Variants in APOBEC3C observed in about 807,000 individuals in gnomAD.
APOBEC3C encodes the protein DNA dC->dU-editing enzyme APOBEC-3C.
In APOBEC3C, 14 loss-of-function variants were observed where a neutral mutation model predicts 20.6. That is an observed-to-expected ratio of 0.68 (90% CI 0.45 to 1.06). The LOEUF is 1.06. Among genes scored for constraint, APOBEC3C ranks in the 50% least tolerant of loss-of-function variants. The probability of loss-of-function intolerance (pLI) is 0.00; values close to 1 mark genes in which losing one functional copy is unlikely to be tolerated. For synonymous variants in APOBEC3C, 98 were observed against 88.8 expected (o/e 1.10, Z -0.58); for missense variants, 244 against 241.9 (o/e 1.01, Z -0.06).
intron 2 of APOBEC3C, 151 bp from the exon 3 acceptor site, chr22:39,017,615 C>G: frequency 9.6e-7 from 1 of 1,046,102 alleles, no homozygotes; most frequent in South Asian, 1.5e-5. Flanking sequence ...ACCCCCTAAC[C>G]TGTGCACCAG....
At position 39,014,301 on chromosome 22, in the gene APOBEC3C, A is replaced by C; in HGVS notation, c.-62A>C. On this transcript the variant is annotated 5_prime_UTR_variant, in exon 1 of 4. Transcript: ENST00000361441. ...AACTGCAAGGACGCTGTAAGCAGGA[A>C]GAGAAGCCACAGCGCTTCAGAAAAG... The C allele has an allele frequency of 3.1e-6, 5 of 1,607,814 alleles. No homozygotes were observed. The highest frequency in any genetic ancestry group is 4.3e-6 in the Non-Finnish European group (5 of 1,174,410).
At chr22:39,014,438 G>T in intron 1 of APOBEC3C, 59 bp downstream of exon 1, 1 of 1,611,666 alleles carries the variant, frequency 6.2e-7, no homozygotes, top group South Asian at 1.1e-5. Flanking sequence ...AGGCGGTCCT[G>T]CTGGGCCTCA....
chr22:39,015,446 T>G, intron 1 of APOBEC3C, 149 bp from the exon 2 acceptor site: 1 of 934,974 alleles, frequency 1.1e-6, no homozygotes, highest in Non-Finnish European at 1.6e-6. Flanking sequence ...TCTTCCTGCC[T>G]GGGAAAGCAG....
rs1040942920 is a variant in APOBEC3C at position 39,014,507 on chromosome 22, G to A, written c.17+128G>A. 120 of 939,098 alleles carry A rather than the reference G, an allele frequency of 1.3e-4. No homozygotes were observed. The African/African-American group carries it at 2.7e-3, about 21-fold the overall frequency. 58.2% of individuals were successfully genotyped at this position (939,098 alleles called of 1,614,324 possible). A position where few individuals can be genotyped will look rare whatever the true frequency, so the allele number is the denominator to read the frequency against. ...GGGCTCCCTCCCCCCTGGTTCCCCC[G>A]CTGCCCCCACTCCCAGCCAAGCTCC... On this transcript the variant is annotated intron_variant, in intron 1 of 3. Coordinates refer to ENST00000361441, the MANE Select transcript of APOBEC3C (RefSeq NM_014508.3).
At position 39,017,869 on chromosome 22, in the gene APOBEC3C, C is replaced by A. The variant is rs928893236; in HGVS notation, c.278C>A (p.Ser93Tyr). 1.9e-5 allele frequency: 30 copies of A among 1,614,078 alleles called. No individual in the cohort carries two copies. The African/African-American group carries it at 3.5e-4, about 19-fold the overall frequency. The part of the protein sequence containing the change: ...NTKYQVTWYT[S>Y]WSPCPDCAGE... Reference sequence around the variant, plus strand: ...AAGTACCAGGTCACCTGGTACACATCTTGGAGCCCTTGCCCAGACTGTGCA... The same window carrying A: ...AAGTACCAGGTCACCTGGTACACATATTGGAGCCCTTGCCCAGACTGTGCA... The change falls in exon 3 of 4, where the codon TCT becomes TAT. Residue 93 changes from serine to tyrosine, a missense_variant. Transcript: ENST00000361441.
rs367817380 is a variant in APOBEC3C at position 39,018,020 on chromosome 22, C to T, written c.429C>T (p.Val143=). The T allele has an allele frequency of 1.2e-5, 20 of 1,614,098 alleles. No individual in the cohort carries two copies. The highest frequency in any genetic ancestry group is 3.3e-5 in the Admixed American group (2 of 60,012). ...TCCGCAGCCTGAGTCAGGAAGGGGT[C>T]GCTGTGGAGATCATGGACTATGAAG... ...EGLRSLSQEG[V]AVEIMDYEDF... Residue 143 remains valine (V), a synonymous_variant, in exon 3 of 4, where the codon GTC becomes GTT. Coordinates refer to ENST00000361441, the MANE Select transcript of APOBEC3C (RefSeq NM_014508.3).
In APOBEC3C at chr22:39,015,689, A is replaced by G; in HGVS notation, c.112A>G (p.Thr38Ala). The change falls in exon 2 of 4, where the codon ACC (threonine) becomes GCC (alanine). Residue 38 changes from threonine to alanine, a missense_variant. Physicochemically the swap from Thr to Ala is moderately conservative, Grantham distance 58. Transcript: ENST00000361441. ...NDRNETWLCFTVEGIKRRSVV... is the reference protein window; with the variant it reads ...NDRNETWLCFAVEGIKRRSVV... ...TCGGAACGAAACTTGGCTGTGCTTC[A>G]CCGTGGAAGGTATAAAGCGCCGCTC... The G allele has an allele frequency of 6.2e-7, 1 of 1,614,090 alleles. No homozygotes were observed. The highest frequency in any genetic ancestry group is 8.5e-7 in the Non-Finnish European group (1 of 1,180,022).
intron 2 of APOBEC3C, 123 bp downstream of exon 2, chr22:39,015,874 AT>A (rs57093395): frequency 0.38 from 207,515 of 542,648 alleles, 11,477 homozygotes; most frequent in Admixed American, 0.45. Flanking sequence ...CCACATTTCT[AT>A]TTTTTTTTTT....
chr22:39,015,985 C>G (rs956519070), intron 2 of APOBEC3C, among the ~76,000 whole-genome samples: 1 of 151,358 alleles, frequency 6.6e-6, no homozygotes, highest in Admixed American at 6.6e-5. Flanking sequence ...ACGCGATTCT[C>G]CTGCCTCAGT....
In APOBEC3C at chr22:39,019,444, A is replaced by C. The variant is rs767708490; in HGVS notation, c.*1057A>C. On this transcript the variant is annotated 3_prime_UTR_variant, in exon 4 of 4. Coordinates refer to ENST00000361441, the MANE Select transcript of APOBEC3C (RefSeq NM_014508.3). Reference sequence around the variant, plus strand: ...CATCCGGACTCCGTGTATGTCTCAAATTACAATTCTTTCTTTGCAAATGAA... The same window carrying C: ...CATCCGGACTCCGTGTATGTCTCAACTTACAATTCTTTCTTTGCAAATGAA... 6.6e-6 allele frequency: 1 copy of C among 152,204 alleles called. No homozygotes were observed. Among genetic ancestry groups the C allele is most frequent in the Non-Finnish European group, 1.5e-5 (1 of 68,040 alleles). 9.4% of individuals were successfully genotyped at this position (152,204 alleles called of 1,614,324 possible).
chr22:39,014,477 C>G (rs562058675), intron 1 of APOBEC3C, 98 bp downstream of exon 1: 36 of 1,464,158 alleles, frequency 2.5e-5, no homozygotes, highest in Admixed American at 1.1e-4. Context: ...CCCAGCCCCA[C>G]CTCTGGGCTC....
chr22:39,014,516 A>C (rs1288857018), intron 1 of APOBEC3C, 137 bp downstream of exon 1: 9 of 849,474 alleles, frequency 1.1e-5, no homozygotes, highest in African/African-American at 7.6e-5. Flanking sequence ...CGCTGCCCCC[A>C]CTCCCAGCCA....
Position 39,017,769 on chromosome 22 carries a change from G to C in APOBEC3C, c.178G>C (p.Asp60His). 6.2e-7 allele frequency: 1 copy of C among 1,612,296 alleles called. No individual in the cohort carries two copies. Residue 60 changes from aspartate (D) to histidine (H), a missense_variant, in exon 3 of 4, where the codon GAT becomes CAT. Physicochemically the swap from Asp to His is moderately conservative, Grantham distance 81. Transcript: ENST00000361441. ...WKTGVFRNQV[D>H]SETHCHAERC... Reference sequence around the variant, plus strand: ...CCTCCTCCTCCTCCTTCGCCAGGTGGATTCTGAGACCCATTGTCATGCAGA... The same window carrying C: ...CCTCCTCCTCCTCCTTCGCCAGGTGCATTCTGAGACCCATTGTCATGCAGA...
Position 39,015,727 on chromosome 22 carries a change from G to C in APOBEC3C, c.150G>C (p.Trp50Cys). ...TAAAGCGCCGCTCAGTTGTCTCCTG[G>C]AAGACGGGCGTCTTCCGAAACCAGG... ...EGIKRRSVVS[W>C]KTGVFRNQVD... The change falls in exon 2 of 4, where the codon TGG (tryptophan) becomes TGC (cysteine). Residue 50 changes from tryptophan to cysteine, a missense_variant. Transcript: ENST00000361441. The C allele has an allele frequency of 6.2e-7, 1 of 1,613,988 alleles. No homozygotes were observed.
At chr22:39,016,755 C>T (rs1924799475) in intron 2 of APOBEC3C, among the ~76,000 whole-genome samples, 1 of 152,112 alleles carries the variant, frequency 6.6e-6, no homozygotes, top group African/African-American at 2.4e-5. Context: ...TGACTGCGGG[C>T]TGGTGGGGCC....
Position 39,018,291 on chromosome 22 carries a change from C to T in APOBEC3C, c.477C>T (p.Asn159=). 6.2e-7 allele frequency: 1 copy of T among 1,613,770 alleles called. No individual in the cohort carries two copies. Among genetic ancestry groups the T allele is most frequent in the East Asian group, 2.2e-5 (1 of 44,886 alleles). Residue 159 remains asparagine (N), a synonymous_variant, in exon 4 of 4, where the codon AAC becomes AAT. Transcript: ENST00000361441. ...DYEDFKYCWE[N]FVYNDNEPFK... ...CAGATTTTAAATATTGTTGGGAAAA[C>T]TTTGTGTACAATGATAATGAGCCAT... is the stretch of plus-strand genomic sequence containing the variant.
chr22:39,017,531 T>C (rs1924830149), intron 2 of APOBEC3C, among the ~76,000 whole-genome samples: 1 of 151,988 alleles, frequency 6.6e-6, no homozygotes, highest in Non-Finnish European at 1.5e-5. Flanking sequence ...TCCCAGCTTA[T>C]CAGGAGGCTG....
Position 39,016,083 on chromosome 22 carries a change from G to A in APOBEC3C, c.174+332G>A, listed in dbSNP as rs544518477. Among the ~76,000 whole-genome samples, 518 of 151,574 alleles carry A rather than the reference G, an allele frequency of 3.4e-3. 2 individuals are homozygous for A. The highest frequency in any genetic ancestry group is 0.012 in the African/African-American group (498 of 41,324). The stretch of plus-strand genomic sequence containing the variant: ...AGTAGAAACAGGATTTTGCCATGTT[G>A]GCCAGGCTGGTTTCGAACTCCTGAC... On this transcript the variant is annotated intron_variant, in intron 2 of 3. Transcript: ENST00000361441.
chr22:39,015,550 C>T lies in APOBEC3C; in HGVS notation c.18-45C>T, dbSNP rs201273021. 317 of 1,596,196 alleles carry T rather than the reference C, an allele frequency of 2.0e-4. No homozygotes were observed. The African/African-American group carries it at 3.6e-3, about 18-fold the overall frequency. On this transcript the variant is annotated intron_variant, in intron 1 of 3. Coordinates refer to ENST00000361441, the MANE Select transcript of APOBEC3C (RefSeq NM_014508.3). ...CAGTGGGCATCAGCCCTGAGGACTC[C>T]GGTGCGGGGGTCTCTGCATTGGGGT...
Sources: allele counts gnomAD v4.1 joint callset (sites outside exome capture counted in the v4.1 genomes callset), GRCh38; gene constraint gnomAD v4.1.1; transcripts MANE v1.5; gene names NCBI Gene and HGNC (gene_info 2026-07-23, HGNC 2026-07-21).